HSD17B12: variants seen among roughly 807,000 people sequenced by gnomAD.
HSD17B12 encodes hydroxysteroid 17-beta dehydrogenase 12.
Under a neutral mutation model 39.3 loss-of-function variants are expected in HSD17B12, and 32 were observed. That is an observed-to-expected ratio of 0.81 (90% CI 0.61 to 1.09). The LOEUF (loss-of-function observed/expected upper bound fraction) is 1.09, where lower values mean the gene tolerates loss of function less well. HSD17B12 is among the 50% of genes least tolerant of loss of function. The pLI, the probability that HSD17B12 is intolerant of heterozygous loss-of-function variation, is 0.00. For missense variants in HSD17B12, 342 were observed against 382.9 expected (o/e 0.89, Z 0.89); for synonymous variants, 150 against 146.7 (o/e 1.02, Z -0.16).
chr11:43,584,805 C>T, the HSD17B12 span: 1 of 152,306 alleles, frequency 6.6e-6, no homozygotes, highest in Admixed American at 6.5e-5. Context: ...TCCTCAAAGG[C>T]TTAGTCCTTG....
At chr11:43,618,905 A>T in the HSD17B12 span, among the ~76,000 whole-genome samples, 856 of 152,020 alleles carry the variant, frequency 5.6e-3, 12 homozygotes, top group African/African-American at 0.02. Context: ...TTGTCTTTGA[A>T]TGTAACATAT....
At chr11:43,623,443 T>C in the HSD17B12 span, among the ~76,000 whole-genome samples, 1 of 151,910 alleles carries the variant, frequency 6.6e-6, no homozygotes, top group South Asian at 2.1e-4. Flanking sequence ...AAAAAGATAA[T>C]CTGGGATTTT....
At chr11:43,794,907 C>G (rs774501555) in intron 3 of HSD17B12, among the ~76,000 whole-genome samples, 9 of 152,088 alleles carry the variant, frequency 5.9e-5, no homozygotes, top group Non-Finnish European at 1.3e-4. Context: ...TTTCTTAGAC[C>G]TTTGTAATGA....
chr11:43,849,333 GT>G (rs1951509657), intron 9 of HSD17B12, among the ~76,000 whole-genome samples: 1 of 151,928 alleles, frequency 6.6e-6, no homozygotes, highest in African/African-American at 2.4e-5. Flanking sequence ...AAAAAATCCA[GT>G]TACTTCACTG....
chr11:43,692,729 A>G (rs1949874074), intron 1 of HSD17B12, among the ~76,000 whole-genome samples: 1 of 152,196 alleles, frequency 6.6e-6, no homozygotes, highest in Non-Finnish European at 1.5e-5. Context: ...GTAGTTTTTA[A>G]TTTTGAAATT....
chr11:43,850,353 A>G (rs1951518669), intron 9 of HSD17B12, among the ~76,000 whole-genome samples: 1 of 152,168 alleles, frequency 6.6e-6, no homozygotes, highest in Non-Finnish European at 1.5e-5. Flanking sequence ...TTTTCCTAAT[A>G]TTCTTCATAG....
chr11:43,764,164 G>A (rs1950577057), intron 3 of HSD17B12, among the ~76,000 whole-genome samples: 1 of 152,046 alleles, frequency 6.6e-6, no homozygotes, highest in Non-Finnish European at 1.5e-5. Context: ...TGTGAAACTT[G>A]GATTCTTATA....
intron 4 of HSD17B12, among the ~76,000 whole-genome samples, chr11:43,808,410 A>G (rs1951039100): frequency 6.6e-6 from 1 of 152,066 alleles, no homozygotes; most frequent in South Asian, 2.1e-4. Context: ...TGAGCATAGG[A>G]CTTCTAGAAT....
At chr11:43,570,129 T>C in the HSD17B12 span, 1 of 152,622 alleles carries the variant, frequency 6.6e-6, no homozygotes, top group East Asian at 1.9e-4. Flanking sequence ...AAAATGAAGT[T>C]ACAAGACACT....
the HSD17B12 span, among the ~76,000 whole-genome samples, chr11:43,608,362 C>CAAA: frequency 5.7e-5 from 7 of 123,032 alleles, no homozygotes; most frequent in African/African-American, 1.7e-4. Context: ...GACTCTGTCT[C>CAAA]AAAAAAAAAA....
At chr11:43,723,622 TTATA>T (rs1352613535) in intron 1 of HSD17B12, among the ~76,000 whole-genome samples, 1 of 152,208 alleles carries the variant, frequency 6.6e-6, no homozygotes, top group Non-Finnish European at 1.5e-5. Context: ...TCAATGTATA[TTATA>T]TAGAGAACAT....
chr11:43,733,908 A>G (rs1950292059), intron 1 of HSD17B12: 2 of 687,214 alleles, frequency 2.9e-6, no homozygotes, highest in Admixed American at 1.9e-5. Context: ...ACATTGTAGT[A>G]GGGGAAGGGA....
At chr11:43,568,954 T>A in the HSD17B12 span, among the ~76,000 whole-genome samples, 1 of 152,362 alleles carries the variant, frequency 6.6e-6, no homozygotes, top group East Asian at 1.9e-4. Context: ...ACTGTTGGTC[T>A]CTCACCAGTC....
intron 1 of HSD17B12, among the ~76,000 whole-genome samples, chr11:43,685,881 T>C (rs1448018826): frequency 6.6e-6 from 1 of 152,260 alleles, no homozygotes; most frequent in African/African-American, 2.4e-5. Flanking sequence ...AGGCACAGTT[T>C]CAAATTTGCA....
At chr11:43,755,092 T>C (rs1950497415) in intron 3 of HSD17B12, 1 of 390,768 alleles carries the variant, frequency 2.6e-6, no homozygotes, top group South Asian at 1.0e-4. Context: ...AAGAGTCAAT[T>C]TGTGTTTGTT....
chr11:43,655,469 T>A, the HSD17B12 span, among the ~76,000 whole-genome samples: 4 of 152,182 alleles, frequency 2.6e-5, no homozygotes, highest in African/African-American at 9.7e-5. Context: ...AGAGAGGGCA[T>A]CCCTGTCTTG....
chr11:43,604,256 G>A, the HSD17B12 span, among the ~76,000 whole-genome samples: 1 of 151,998 alleles, frequency 6.6e-6, no homozygotes. Context: ...TATATAACTA[G>A]ATATTTATTT....
chr11:43,673,783 T>C, the HSD17B12 span, among the ~76,000 whole-genome samples: 1 of 152,170 alleles, frequency 6.6e-6, no homozygotes, highest in Non-Finnish European at 1.5e-5. Flanking sequence ...GTGCTGGGAT[T>C]ATAGGCATGA....
At chr11:43,628,165 A>G in the HSD17B12 span, among the ~76,000 whole-genome samples, 3 of 151,976 alleles carry the variant, frequency 2.0e-5, no homozygotes, top group African/African-American at 7.2e-5. Flanking sequence ...AGCATTCTCA[A>G]TGACACCATT....
Sources: allele counts gnomAD v4.1 joint callset (sites outside exome capture counted in the v4.1 genomes callset), GRCh38; gene constraint gnomAD v4.1.1; transcripts MANE v1.5; gene names NCBI Gene and HGNC (gene_info 2026-07-23, HGNC 2026-07-21).